Variants in AFF1 observed in about 807,000 individuals in gnomAD.
AFF1 encodes the protein AF4/FMR2 family member 1.
In AFF1, 48 loss-of-function variants were observed where a neutral mutation model predicts 121.7. The observed-to-expected ratio is 0.39, with a 90% CI of 0.31 to 0.50. The LOEUF (loss-of-function observed/expected upper bound fraction) is 0.50. Ranked by LOEUF, AFF1 falls within the 20% of genes least tolerant of loss-of-function variation. The probability of loss-of-function intolerance (pLI) is 0.76; values close to 1 mark genes in which losing one functional copy is unlikely to be tolerated. For missense variants in AFF1, 1,523 were observed against 1,511.7 expected (o/e 1.01, Z -0.12); for synonymous variants, 613 against 563.0 (o/e 1.09, Z -1.26).
chr4:86,982,248 G>A (rs1723807531), intron 2 of AFF1, among the ~76,000 whole-genome samples: 1 of 152,138 alleles, frequency 6.6e-6, no homozygotes, highest in Non-Finnish European at 1.5e-5. Context: ...CATTGAAGGA[G>A]CAAAGGATTC....
At chr4:87,009,016 G>A (rs1284569667) in intron 2 of AFF1, among the ~76,000 whole-genome samples, 2 of 152,200 alleles carry the variant, frequency 1.3e-5, no homozygotes, top group Non-Finnish European at 2.9e-5. Flanking sequence ...AATGCTGTGT[G>A]ACAGATCTCA....
intron 2 of AFF1, among the ~76,000 whole-genome samples, chr4:86,963,362 C>T (rs534297247): frequency 1.3e-5 from 2 of 151,944 alleles, no homozygotes; most frequent in African/African-American, 4.8e-5. Context: ...TGTGGAGAGC[C>T]TTTGATGTCA....
At chr4:86,991,561 C>A (rs1171263157) in intron 2 of AFF1, among the ~76,000 whole-genome samples, 1 of 152,060 alleles carries the variant, frequency 6.6e-6, no homozygotes, top group Non-Finnish European at 1.5e-5. Flanking sequence ...CTTTTAAAAT[C>A]GCTTTATAGT....
intron 4 of AFF1, among the ~76,000 whole-genome samples, chr4:87,063,015 CTACT>C (rs1398399409): frequency 1.3e-5 from 2 of 152,118 alleles, no homozygotes; most frequent in Non-Finnish European, 2.9e-5. Flanking sequence ...GACAAGAAAA[CTACT>C]TAACCTGTTC....
At chr4:86,972,623 C>T (rs1292259720) in intron 2 of AFF1, among the ~76,000 whole-genome samples, 1 of 152,112 alleles carries the variant, frequency 6.6e-6, no homozygotes, top group Non-Finnish European at 1.5e-5. Context: ...CTGTAACCTC[C>T]ATCTCCTGGG....
chr4:87,099,711 C>T (rs549221635), intron 8 of AFF1, among the ~76,000 whole-genome samples: 1 of 152,266 alleles, frequency 6.6e-6, no homozygotes, highest in African/African-American at 2.4e-5. Context: ...GCCCGGCCCC[C>T]ACATGCTGTG....
intron 4 of AFF1, among the ~76,000 whole-genome samples, chr4:87,068,774 G>A (rs757599359): frequency 1.3e-5 from 2 of 152,182 alleles, no homozygotes; most frequent in Non-Finnish European, 2.9e-5. Context: ...TCAGTACAAG[G>A]GAAGAGATTC....
chr4:86,964,305 A>G (rs531545446), intron 2 of AFF1, among the ~76,000 whole-genome samples: 2 of 147,668 alleles, frequency 1.4e-5, no homozygotes, highest in Non-Finnish European at 3.0e-5. Flanking sequence ...TTTTATTTTT[A>G]GTAGAGATGG....
chr4:87,031,435 A>ATTTTTTTTTTTTTT (rs1491098607), intron 2 of AFF1, among the ~76,000 whole-genome samples: 1 of 141,366 alleles, frequency 7.1e-6, no homozygotes, highest in Non-Finnish European at 1.5e-5. Flanking sequence ...CACTCTTAGC[A>ATTTTTTTTTTTTTT]TATGTTTTTT....
At chr4:86,966,148 T>C (rs970538022) in intron 2 of AFF1, among the ~76,000 whole-genome samples, 4 of 151,748 alleles carry the variant, frequency 2.6e-5, no homozygotes, top group African/African-American at 7.3e-5. Flanking sequence ...CTGAGAAATA[T>C]GCATCTTACC....
intron 11 of AFF1, 50 bp downstream of exon 11, chr4:87,108,365 C>G (rs771926697): frequency 1.3e-6 from 2 of 1,588,170 alleles, no homozygotes; most frequent in Admixed American, 3.4e-5. Context: ...GCATTCTGTC[C>G]TTTGAAGTTA....
intron 12 of AFF1, among the ~76,000 whole-genome samples, chr4:87,123,186 G>C (rs113543963): frequency 6.6e-6 from 1 of 152,176 alleles, no homozygotes; most frequent in African/African-American, 2.4e-5. Context: ...GAGCCACCGC[G>C]CCCAGCCTAA....
At chr4:87,098,262 G>GT (rs1253769991) in intron 8 of AFF1, among the ~76,000 whole-genome samples, 1 of 152,208 alleles carries the variant, frequency 6.6e-6, no homozygotes, top group African/African-American at 2.4e-5. Flanking sequence ...TCAGCATGTA[G>GT]TTTGAGATGT....
rs1339452814 is a variant in AFF1 at position 87,138,521 on chromosome 4, G to C, written c.*2820G>C. 1.8e-5 allele frequency: 4 copies of C among 223,406 alleles called. No individual in the cohort carries two copies. Among genetic ancestry groups the C allele is most frequent in the African/African-American group, 9.4e-5 (4 of 42,374 alleles). 13.8% of individuals were successfully genotyped at this position (223,406 alleles called of 1,614,324 possible). A position where few individuals can be genotyped will look rare whatever the true frequency, so the allele number is the denominator to read the frequency against. On this transcript the variant is annotated 3_prime_UTR_variant, in exon 21 of 21. Coordinates refer to ENST00000395146, the MANE Select transcript of AFF1 (RefSeq NM_001166693.3). ...TGTGTGTGTGTGTGTGTGTGTGTGTGTCTTTAGTAGGAAATGGAAGAACAC... is the reference window on the plus strand; with the variant it reads ...TGTGTGTGTGTGTGTGTGTGTGTGTCTCTTTAGTAGGAAATGGAAGAACAC...
intron 2 of AFF1, among the ~76,000 whole-genome samples, chr4:87,028,712 T>C (rs1194410620): frequency 1.3e-5 from 2 of 152,216 alleles, no homozygotes; most frequent in Non-Finnish European, 2.9e-5. Flanking sequence ...TGAAGGAAAG[T>C]GGAGACTCAT....
In AFF1 at chr4:87,030,605, G is replaced by A. The variant is rs148047606; in HGVS notation, c.39-15561G>A. Among the ~76,000 whole-genome samples the A allele has an allele frequency of 2.0e-4, 31 of 152,076 alleles. 1 individual carries two copies. The East Asian group carries it at 6.0e-3, about 29-fold the overall frequency. ...TGTCAGGAAATAAGCGAACAGTTTG[G>A]GGGTGGGAGTATGCAACTAAATATT... On this transcript the variant is annotated intron_variant, in intron 2 of 20. Coordinates refer to ENST00000395146, the MANE Select transcript of AFF1 (RefSeq NM_001166693.3).
intron 2 of AFF1, among the ~76,000 whole-genome samples, chr4:86,969,077 G>A (rs1722737272): frequency 1.3e-5 from 2 of 152,192 alleles, no homozygotes; most frequent in South Asian, 4.1e-4. Context: ...GCGCCTCCTT[G>A]TTCCTTCAGG....
chr4:86,935,284 C>T (rs1205501452), intron 1 of AFF1, 44 bp downstream of exon 1: 2 of 152,440 alleles, frequency 1.3e-5, no homozygotes, highest in Non-Finnish European at 2.9e-5. Context: ...GTCGATCCGC[C>T]CGGCCCCCGA....
rs1721665074 is a variant in AFF1, at chr4:86,955,395, G to C, written c.38+6824G>C. ...TTTGAATAGTGCTTTTGCTTTGCTT[G>C]GACTTTCTAATTTCTTTTTCCTTAT... On this transcript the variant is annotated intron_variant, in intron 2 of 20. Transcript: ENST00000395146. 1.3e-5 allele frequency among the ~76,000 whole-genome samples: 2 copies of C among 152,038 alleles called. 1 individual carries two copies. Among genetic ancestry groups the C allele is most frequent in the Admixed American group, 1.3e-4 (2 of 15,264 alleles).
Sources: gnomAD v4.1 joint callset for allele counts (sites outside exome capture counted in the v4.1 genomes callset) on GRCh38, gnomAD v4.1.1 for gene constraint, MANE v1.5 for transcripts, NCBI Gene and HGNC (gene_info 2026-07-23, HGNC 2026-07-21) for gene names.